Variants in RRAGB observed in about 807,000 individuals in gnomAD.
The protein encoded by RRAGB is ras-related GTP-binding protein B.
A neutral mutation model predicts 29.3 loss-of-function variants in RRAGB; 6 were observed. The ratio of observed to expected loss-of-function variants is 0.21; its 90% CI spans 0.11 to 0.40. The LOEUF is 0.40. RRAGB is among the 10% of genes least tolerant of loss of function. The probability of loss-of-function intolerance (pLI) is 1.00; values close to 1 mark genes in which losing one functional copy is unlikely to be tolerated. For missense variants in RRAGB, 184 were observed against 272.9 expected (o/e 0.67, Z 2.29); for synonymous variants, 101 against 92.5 (o/e 1.09, Z -0.53).
rs868496892 is a variant in RRAGB, at chrX:55,749,449, G to A, written c.517-1652G>A. Among the ~76,000 whole-genome samples, 272 of 108,156 alleles carry A rather than the reference G, an allele frequency of 2.5e-3. 1 individual carries two copies. The highest frequency in any genetic ancestry group is 8.9e-3 in the African/African-American group (264 of 29,726). 93.9% of individuals were successfully genotyped at this position (108,156 alleles called of 115,157 possible). On this transcript the variant is annotated intron_variant, in intron 5 of 9. Coordinates refer to ENST00000374941, the MANE Select transcript of RRAGB (RefSeq NM_006064.5). ...CCCCGCCCGGCCAGCTGCCCCGTCC[G>A]GGAGGTGAGGGGCGCCTCTGTCCGG...
chrX:55,743,959 A>G (rs1265341017), intron 5 of RRAGB, among the ~76,000 whole-genome samples: 3 of 111,394 alleles, frequency 2.7e-5, no homozygotes, highest in Non-Finnish European at 5.6e-5. Flanking sequence ...GGGCTGCTGT[A>G]GTATTGCAGT....
At chrX:55,731,011 G>A (rs370085128) in intron 4 of RRAGB, among the ~76,000 whole-genome samples, 4 of 110,721 alleles carry the variant, frequency 3.6e-5, no homozygotes, top group African/African-American at 9.9e-5. Context: ...ATGTGTAAAG[G>A]CCACATAGTG....
intron 4 of RRAGB, among the ~76,000 whole-genome samples, chrX:55,730,602 C>T (rs1025748816): frequency 2.7e-5 from 3 of 111,850 alleles, no homozygotes; most frequent in African/African-American, 9.7e-5. Flanking sequence ...GCCTAACGAG[C>T]AAAGAGCAAC....
At position 55,731,927 on chromosome X, in the gene RRAGB, T is replaced by C. The variant is rs2033694485; in HGVS notation, c.516+341T>C. On this transcript the variant is annotated intron_variant, in intron 5 of 9. Transcript: ENST00000374941. ...AGGTTAAGACCCACTAGGAGTGAGA[T>C]GAAGAGAGGTTGCTGCTTTCATTAG... Among the ~76,000 whole-genome samples, 4 of 112,171 alleles carry C rather than the reference T, an allele frequency of 3.6e-5. No individual in the cohort carries two copies. In the South Asian group the frequency reaches 1.5e-3, roughly 42 times the overall value.
At chrX:55,726,248 A>G (rs1216893159) in intron 3 of RRAGB, among the ~76,000 whole-genome samples, 1 of 112,105 alleles carries the variant, frequency 8.9e-6, no homozygotes, top group Non-Finnish European at 1.9e-5. Flanking sequence ...AAATTCAAAC[A>G]TTACAGACGT....
chrX:55,753,055 G>A (rs1367947096), intron 6 of RRAGB, among the ~76,000 whole-genome samples: 1 of 112,041 alleles, frequency 8.9e-6, no homozygotes, highest in Non-Finnish European at 1.9e-5. Context: ...TAGATTAGGA[G>A]CTTTTTAACA....
At chrX:55,746,021 C>T in intron 5 of RRAGB, among the ~76,000 whole-genome samples, 1 of 111,056 alleles carries the variant, frequency 9.0e-6, no homozygotes, top group Non-Finnish European at 1.9e-5. Context: ...TTCTGTAACG[C>T]ACAGTCACCC....
intron 8 of RRAGB, 24 bp downstream of exon 8, chrX:55,755,956 C>G (rs896032221): frequency 9.7e-7 from 1 of 1,027,119 alleles, no homozygotes; most frequent in Non-Finnish European, 1.4e-6. Context: ...TAGGAATGAT[C>G]TGTTTATCTC....
chrX:55,722,841 C>A (rs2033332147), intron 3 of RRAGB, among the ~76,000 whole-genome samples: 1 of 111,260 alleles, frequency 9.0e-6, no homozygotes, highest in Admixed American at 9.6e-5. Context: ...TTAGTATATA[C>A]TAATTGGGCT....
chrX:55,757,160 G>A, intron 8 of RRAGB, 56 bp from the exon 9 acceptor site: 1 of 606,455 alleles, frequency 1.6e-6, no homozygotes, highest in Non-Finnish European at 2.7e-6. Context: ...ATAAATAAGA[G>A]CTTGTTGTAG....
chrX:55,730,083 T>C (rs770021799), intron 4 of RRAGB, among the ~76,000 whole-genome samples: 1 of 112,391 alleles, frequency 8.9e-6, no homozygotes, highest in East Asian at 2.8e-4. Context: ...AGGGTTGTTT[T>C]GATGATTAAG....
Position 55,722,181 on chromosome X carries a change from C to T in RRAGB, c.127-5C>T, listed in dbSNP as rs943286688. ...TTCCTTTCCTTTTCCCTACTTTGTC[C>T]TTAGGTGCTGTTGATGGGTAAAAGT... On this transcript the variant is annotated splice_polypyrimidine_tract_variant and splice_region_variant and intron_variant, in intron 2 of 9. Transcript: ENST00000374941. 8.7e-7 allele frequency: 1 copy of T among 1,147,078 alleles called. No individual in the cohort carries two copies. Among genetic ancestry groups the T allele is most frequent in the South Asian group, 1.9e-5 (1 of 52,455 alleles). 94.5% of individuals were successfully genotyped at this position (1,147,078 alleles called of 1,213,427 possible).
intron 5 of RRAGB, among the ~76,000 whole-genome samples, chrX:55,743,411 G>A (rs2034144757): frequency 8.9e-6 from 1 of 112,162 alleles, no homozygotes; most frequent in African/African-American, 3.2e-5. Flanking sequence ...CTCAGTGTTG[G>A]TCTCTGTTGC....
In RRAGB at chrX:55,757,783, G is replaced by A. The variant is rs148380699; in HGVS notation, c.943+452G>A. Reference sequence around the variant, plus strand: ...TATTAAATGACAAACCATTTCATATGTCATTGCATATTCCTATGTACCACA... The same window carrying A: ...TATTAAATGACAAACCATTTCATATATCATTGCATATTCCTATGTACCACA... On this transcript the variant is annotated intron_variant, in intron 9 of 9. Transcript: ENST00000374941. 9.0e-5 allele frequency among the ~76,000 whole-genome samples: 10 copies of A among 111,553 alleles called. No homozygotes were observed. The East Asian group carries it at 2.8e-3, about 31-fold the overall frequency.
intron 5 of RRAGB, among the ~76,000 whole-genome samples, chrX:55,747,812 GCTCCCTCTCCCTCTCCCT>G (rs140688554): frequency 2.5e-5 from 2 of 81,214 alleles, no homozygotes; most frequent in African/African-American, 3.8e-5. Context: ...GATTATTCTC[GCTCCCTCTCCCTCTCCCT>G]CTCCCTCTCC....
At chrX:55,732,589 T>G (rs983249602) in intron 5 of RRAGB, among the ~76,000 whole-genome samples, 2 of 111,936 alleles carry the variant, frequency 1.8e-5, no homozygotes, top group Non-Finnish European at 3.8e-5. Context: ...GTTTTGGTAT[T>G]TATAGGTTAG....
chrX:55,736,614 T>C (rs1272415213), intron 5 of RRAGB, among the ~76,000 whole-genome samples: 2 of 112,279 alleles, frequency 1.8e-5, no homozygotes, highest in Admixed American at 9.4e-5. Flanking sequence ...TTTCGTCTTA[T>C]TATTTTTGAA....
intron 4 of RRAGB, among the ~76,000 whole-genome samples, chrX:55,730,869 AG>A (rs1351117310): frequency 9.0e-6 from 1 of 110,868 alleles, no homozygotes; most frequent in Non-Finnish European, 1.9e-5. Flanking sequence ...GCCTATGCTT[AG>A]TGGATTGACC....
rs142411574 is a variant in RRAGB at position 55,726,106 on chromosome X, A to G, written c.227-3188A>G. Among the ~76,000 whole-genome samples, 543 of 110,469 alleles carry G rather than the reference A, an allele frequency of 4.9e-3. 3 individuals are homozygous for G. Among genetic ancestry groups the G allele is most frequent in the African/African-American group, 0.017 (513 of 30,530 alleles). On this transcript the variant is annotated intron_variant, in intron 3 of 9. Coordinates refer to ENST00000374941, the MANE Select transcript of RRAGB (RefSeq NM_006064.5). ...GAACTGAGGGTAAAGAGAGTTTTAA[A>G]CAGAAGAGCGATATTTTACAGGTCC...
Sources: gnomAD v4.1 joint callset for allele counts (sites outside exome capture counted in the v4.1 genomes callset) on GRCh38, gnomAD v4.1.1 for gene constraint, MANE v1.5 for transcripts, NCBI Gene and HGNC (gene_info 2026-07-23, HGNC 2026-07-21) for gene names.